NOL4: variants seen among roughly 807,000 people sequenced by gnomAD.
The protein encoded by NOL4 is cancer/testis antigen 125.
NOL4 carries 17 observed loss-of-function variants against 75.9 expected under a neutral mutation model. That is an observed-to-expected ratio of 0.22 (90% CI 0.15 to 0.34). The LOEUF is 0.34. NOL4 is among the 10% of genes least tolerant of loss of function. The probability of loss-of-function intolerance (pLI) is 1.00; values close to 1 mark genes in which losing one functional copy is unlikely to be tolerated. For synonymous variants in NOL4, 292 were observed against 289.9 expected (o/e 1.01, Z -0.07); for missense variants, 614 against 793.5 (o/e 0.77, Z 2.72).
At chr18:34,136,938 G>A (rs1790760727) in intron 1 of NOL4, among the ~76,000 whole-genome samples, 2 of 152,078 alleles carry the variant, frequency 1.3e-5, no homozygotes. Flanking sequence ...TTATTAGATA[G>A]TGTGGTATTG....
chr18:34,116,667 T>C (rs2079873977), intron 2 of NOL4, among the ~76,000 whole-genome samples: 1 of 152,162 alleles, frequency 6.6e-6, no homozygotes, highest in South Asian at 2.1e-4. Flanking sequence ...AACATAAAGT[T>C]AGAAAAATTG....
At chr18:34,039,233 A>G (rs1433432055) in intron 5 of NOL4, among the ~76,000 whole-genome samples, 1 of 151,994 alleles carries the variant, frequency 6.6e-6, no homozygotes, top group Admixed American at 6.6e-5. Flanking sequence ...TGGGGAAAAA[A>G]GACAGGTTTA....
At chr18:34,131,800 A>G (rs1361419499) in intron 1 of NOL4, among the ~76,000 whole-genome samples, 1 of 152,180 alleles carries the variant, frequency 6.6e-6, no homozygotes, top group Non-Finnish European at 1.5e-5. Flanking sequence ...AGATACTACT[A>G]AACCCTCTGC....
At chr18:34,024,883 G>A (rs2075271168) in intron 5 of NOL4, among the ~76,000 whole-genome samples, 1 of 152,092 alleles carries the variant, frequency 6.6e-6, no homozygotes, top group African/African-American at 2.4e-5. Flanking sequence ...AGAAATCTTG[G>A]TTTAATTTAT....
At chr18:34,141,353 CA>C (rs1568386774) in intron 1 of NOL4, among the ~76,000 whole-genome samples, 1 of 151,256 alleles carries the variant, frequency 6.6e-6, no homozygotes, top group South Asian at 2.1e-4. Flanking sequence ...CATATGGAAC[CA>C]AAAAAGAGCC....
At chr18:33,916,244 A>C (rs925439605) in intron 9 of NOL4, among the ~76,000 whole-genome samples, 1 of 152,134 alleles carries the variant, frequency 6.6e-6, no homozygotes, top group Non-Finnish European at 1.5e-5. Flanking sequence ...TCTATGTTTC[A>C]TGAGTTCTAA....
intron 6 of NOL4, among the ~76,000 whole-genome samples, chr18:33,986,133 A>G (rs2072433138): frequency 6.6e-6 from 1 of 152,158 alleles, no homozygotes; most frequent in South Asian, 2.1e-4. Flanking sequence ...ATGTAAATCA[A>G]CAAGTACTTT....
intron 6 of NOL4, among the ~76,000 whole-genome samples, chr18:34,001,155 T>C (rs139167958): frequency 2.6e-5 from 4 of 152,266 alleles, no homozygotes; most frequent in East Asian, 3.9e-4. Context: ...AGTAACTATA[T>C]GATAGATGGT....
At chr18:34,151,883 A>G (rs1267762205) in intron 1 of NOL4, among the ~76,000 whole-genome samples, 14 of 151,802 alleles carry the variant, frequency 9.2e-5, no homozygotes, top group Admixed American at 7.9e-4. Context: ...GGAAAAGGAT[A>G]TACTCTTTGG....
intron 5 of NOL4, among the ~76,000 whole-genome samples, chr18:34,045,845 T>C (rs947840189): frequency 1.5e-4 from 23 of 152,118 alleles, no homozygotes; most frequent in African/African-American, 5.3e-4. Flanking sequence ...TAAAAGCAAA[T>C]ACAAAACGTG....
At chr18:33,853,291 A>G (rs1858698072) in intron 10 of NOL4, among the ~76,000 whole-genome samples, 2 of 152,062 alleles carry the variant, frequency 1.3e-5, no homozygotes, top group Non-Finnish European at 2.9e-5. Flanking sequence ...AGAGATGGTG[A>G]AAACTTTCTT....
intron 1 of NOL4, among the ~76,000 whole-genome samples, chr18:34,144,148 T>C (rs1403683011): frequency 6.6e-6 from 1 of 152,078 alleles, no homozygotes; most frequent in Non-Finnish European, 1.5e-5. Flanking sequence ...AAAATAATTA[T>C]TCATGACGAG....
chr18:34,007,548 T>C (rs1016826092), intron 6 of NOL4, among the ~76,000 whole-genome samples: 11 of 152,132 alleles, frequency 7.2e-5, no homozygotes, highest in African/African-American at 2.6e-4. Context: ...TTCCTCCCTA[T>C]TTTGTTATGA....
At chr18:34,147,032 T>C (rs184890046) in intron 1 of NOL4, among the ~76,000 whole-genome samples, 3 of 152,262 alleles carry the variant, frequency 2.0e-5, no homozygotes, top group African/African-American at 7.2e-5. Context: ...CTGTTATTGG[T>C]GTATAGGAAT....
intron 1 of NOL4, among the ~76,000 whole-genome samples, chr18:34,161,248 C>T (rs2031429298): frequency 1.3e-5 from 2 of 152,092 alleles, no homozygotes; most frequent in African/African-American, 4.8e-5. Flanking sequence ...CATATCTTGG[C>T]TATTGTGCAT....
intron 9 of NOL4, among the ~76,000 whole-genome samples, chr18:33,916,460 CTT>C (rs768257041): frequency 6.6e-6 from 1 of 152,074 alleles, no homozygotes; most frequent in Non-Finnish European, 1.5e-5. Flanking sequence ...TCTGGGAACT[CTT>C]TTATAGGTGG....
chr18:34,083,139 T>A (rs2078087544), intron 5 of NOL4, among the ~76,000 whole-genome samples: 1 of 152,168 alleles, frequency 6.6e-6, no homozygotes, highest in African/African-American at 2.4e-5. Flanking sequence ...TATACACATG[T>A]ACGTTCAAGA....
intron 4 of NOL4, among the ~76,000 whole-genome samples, chr18:34,094,310 T>C (rs1318415564): frequency 6.6e-6 from 1 of 152,144 alleles, no homozygotes; most frequent in Non-Finnish European, 1.5e-5. Flanking sequence ...ATAGCCAACT[T>C]ATATATTAGG....
chr18:33,852,773 T>C lies in NOL4; in HGVS notation c.*69A>G. 2 of 1,334,298 alleles carry C rather than the reference T, an allele frequency of 1.5e-6. No homozygotes were observed. The highest frequency in any genetic ancestry group is 2.1e-6 in the Non-Finnish European group (2 of 952,900). The allele number at this position is 1,334,298 out of a possible 1,614,324, so 82.7% of individuals were successfully genotyped here. ...TGCAGTAAGACCAGAAGTATCTCTG[T>C]TGGGAAATCAAAATGTCATTAGTGG... On this transcript the variant is annotated 3_prime_UTR_variant, in exon 11 of 11. Transcript: ENST00000261592.
Sources: allele counts gnomAD v4.1 joint callset (sites outside exome capture counted in the v4.1 genomes callset), GRCh38; gene constraint gnomAD v4.1.1; transcripts MANE v1.5; gene names NCBI Gene and HGNC (gene_info 2026-07-23, HGNC 2026-07-21).